AK5: variants seen among roughly 807,000 people sequenced by gnomAD.
AK5 encodes the protein adenylate kinase isoenzyme 5.
AK5 carries 27 observed loss-of-function variants against 69.5 expected under a neutral mutation model. The ratio of observed to expected loss-of-function variants is 0.39; its 90% CI spans 0.29 to 0.54. The LOEUF is 0.54. Among genes scored for constraint, AK5 ranks in the 20% least tolerant of loss-of-function variants. The probability of loss-of-function intolerance (pLI) is 0.71; values close to 1 mark genes in which losing one functional copy is unlikely to be tolerated. For missense variants in AK5, 531 were observed against 700.4 expected, an observed-to-expected ratio of 0.76 and a Z score of 2.73; for synonymous variants, 260 against 244.4, an observed-to-expected ratio of 1.06 and a Z score of -0.60.
chr1:77,354,849 A>G (rs1362525255), intron 6 of AK5, among the ~76,000 whole-genome samples: 1 of 152,212 alleles, frequency 6.6e-6, no homozygotes. Flanking sequence ...TCAAGGAGGA[A>G]AAATAGAAGT....
chr1:77,288,966 A>G (rs1379772158), intron 2 of AK5, among the ~76,000 whole-genome samples: 1 of 152,184 alleles, frequency 6.6e-6, no homozygotes, highest in Non-Finnish European at 1.5e-5. Flanking sequence ...TTGTGTCTTT[A>G]TATACTTACT....
intron 13 of AK5, 123 bp from the exon 14 acceptor site, chr1:77,558,479 G>GGA: frequency 1.6e-6 from 1 of 612,178 alleles, no homozygotes. Flanking sequence ...CTGTGTTTTG[G>GGA]GGGGGGTCTT....
chr1:77,309,846 C>A (rs1180866595), intron 5 of AK5, among the ~76,000 whole-genome samples: 1 of 152,016 alleles, frequency 6.6e-6, no homozygotes, highest in Non-Finnish European at 1.5e-5. Context: ...TTTGGATGTT[C>A]TAGATACTAA....
chr1:77,340,667 G>A, intron 6 of AK5, 99 bp downstream of exon 6: 1 of 1,195,782 alleles, frequency 8.4e-7, no homozygotes, highest in Non-Finnish European at 1.2e-6. Context: ...ACCTTAAAAA[G>A]TGGCTTTTGG....
intron 10 of AK5, among the ~76,000 whole-genome samples, chr1:77,488,736 CAT>C (rs1557630031): frequency 1.3e-5 from 2 of 152,138 alleles, no homozygotes; most frequent in East Asian, 3.9e-4. Flanking sequence ...CTCCTTTTCA[CAT>C]GTTTCTGCCT....
At position 77,313,864 on chromosome 1, in the gene AK5, G is replaced by A. The variant is rs753626293; in HGVS notation, c.699+15917G>A. On this transcript the variant is annotated intron_variant, in intron 5 of 13. Coordinates refer to ENST00000354567, the MANE Select transcript of AK5 (RefSeq NM_174858.3). ...TCTCCCTTACGCTGCTCCCTGCGGG[G>A]TATGTCCAGTCCGTCAAGATTCTCC... is the stretch of plus-strand genomic sequence containing the variant. 7.5e-6 allele frequency: 4 copies of A among 532,788 alleles called. No individual in the cohort carries two copies. In the East Asian group the frequency reaches 2.2e-4, roughly 29 times the overall value. The allele number at this position is 532,788 out of a possible 1,614,324, so 33.0% of individuals were successfully genotyped here.
At chr1:77,549,525 G>A (rs768005540) in intron 13 of AK5, among the ~76,000 whole-genome samples, 1 of 151,934 alleles carries the variant, frequency 6.6e-6, no homozygotes, top group Non-Finnish European at 1.5e-5. Flanking sequence ...ACCCTCTTGT[G>A]CTATCAAATA....
At position 77,484,252 on chromosome 1, in the gene AK5, G is replaced by T. The variant is rs1655453084; in HGVS notation, c.1102+893G>T. ...AAATAGATATGATTATGTGAATTTG[G>T]GACTATCCAAAAAAGAAAAGGTTCA... On this transcript the variant is annotated intron_variant, in intron 9 of 13. Transcript: ENST00000354567. Among the ~76,000 whole-genome samples the T allele has an allele frequency of 2.0e-5, 3 of 152,038 alleles. No individual in the cohort carries two copies. The South Asian group carries it at 6.2e-4, about 32-fold the overall frequency.
At chr1:77,545,228 C>T (rs935883529) in intron 13 of AK5, among the ~76,000 whole-genome samples, 8 of 152,158 alleles carry the variant, frequency 5.3e-5, no homozygotes, top group African/African-American at 1.9e-4. Context: ...CCTTTTCCTC[C>T]TCCTTCTGTT....
intron 8 of AK5, among the ~76,000 whole-genome samples, chr1:77,429,572 TA>T (rs1357055785): frequency 6.6e-6 from 1 of 152,206 alleles, no homozygotes; most frequent in African/African-American, 2.4e-5. Flanking sequence ...AAGAATAGAA[TA>T]GTCAGAGAAA....
intron 6 of AK5, among the ~76,000 whole-genome samples, chr1:77,373,850 C>G (rs1557540203): frequency 6.6e-6 from 1 of 152,072 alleles, no homozygotes; most frequent in East Asian, 1.9e-4. Context: ...TGTAAATTTA[C>G]TTTTGCTTTT....
intron 6 of AK5, among the ~76,000 whole-genome samples, chr1:77,406,092 A>C (rs1391355272): frequency 6.6e-6 from 1 of 151,080 alleles, no homozygotes; most frequent in Non-Finnish European, 1.5e-5. Context: ...ATATTGCCCC[A>C]GACTGATGAT....
At chr1:77,368,425 A>G (rs894546777) in intron 6 of AK5, among the ~76,000 whole-genome samples, 2 of 149,726 alleles carry the variant, frequency 1.3e-5, no homozygotes, top group East Asian at 3.9e-4. Context: ...ATTTTAAATA[A>G]TGTTGTACAT....
intron 13 of AK5, among the ~76,000 whole-genome samples, chr1:77,542,423 G>A (rs1446873351): frequency 6.6e-6 from 1 of 152,150 alleles, no homozygotes; most frequent in Non-Finnish European, 1.5e-5. Context: ...GAGCACTGTG[G>A]GCAGCTGTTT....
At chr1:77,294,838 G>C (rs1389390116) in intron 3 of AK5, among the ~76,000 whole-genome samples, 1 of 151,932 alleles carries the variant, frequency 6.6e-6, no homozygotes, top group East Asian at 1.9e-4. Flanking sequence ...GACCAGCCTG[G>C]TCAACATAGT....
intron 5 of AK5, among the ~76,000 whole-genome samples, chr1:77,328,095 A>G (rs781678747): frequency 6.6e-6 from 1 of 152,218 alleles, no homozygotes; most frequent in Non-Finnish European, 1.5e-5. Context: ...AAATAAATGA[A>G]ATAGATGCCT....
intron 5 of AK5, among the ~76,000 whole-genome samples, chr1:77,325,564 A>G (rs1660758295): frequency 6.6e-6 from 1 of 152,144 alleles, no homozygotes; most frequent in Non-Finnish European, 1.5e-5. Context: ...CACGTCGACC[A>G]CAAGTTTCCA....
intron 6 of AK5, among the ~76,000 whole-genome samples, chr1:77,381,244 T>C (rs1272447212): frequency 6.6e-6 from 1 of 152,120 alleles, no homozygotes. Context: ...TGTGAAGTTA[T>C]AGCAACAAGA....
At chr1:77,336,974 C>T (rs1661395457) in intron 5 of AK5, among the ~76,000 whole-genome samples, 2 of 152,136 alleles carry the variant, frequency 1.3e-5, no homozygotes, top group African/African-American at 4.8e-5. Flanking sequence ...AAATTAATCA[C>T]AGTTATAACA....
Sources: gnomAD v4.1 joint callset for allele counts (sites outside exome capture counted in the v4.1 genomes callset) on GRCh38, gnomAD v4.1.1 for gene constraint, MANE v1.5 for transcripts, NCBI Gene and HGNC (gene_info 2026-07-23, HGNC 2026-07-21) for gene names.